The following SYT1 variants were observed in gnomAD, a reference collection of about 807,000 sequenced individuals.
The protein encoded by SYT1 is synaptotagmin-1.
SYT1 carries 8 observed loss-of-function variants against 44.8 expected under a neutral mutation model. The observed-to-expected ratio is 0.18, with a 90% CI of 0.10 to 0.32. SYT1 has a LOEUF of 0.32. Ranked by LOEUF, SYT1 falls within the 10% of genes least tolerant of loss-of-function variation. The pLI is 1.00. For missense variants in SYT1, 286 were observed against 509.3 expected, an observed-to-expected ratio of 0.56 and a Z score of 4.22; for synonymous variants, 154 against 188.8, an observed-to-expected ratio of 0.82 and a Z score of 1.51.
intron 10 of SYT1, among the ~76,000 whole-genome samples, chr12:79,447,598 A>G (rs562265460): frequency 6.0e-4 from 92 of 152,248 alleles, no homozygotes; most frequent in Non-Finnish European, 7.4e-4. Context: ...CCCCCACCCC[A>G]TTCATTACAA....
chr12:78,999,654 A>G (rs1592647690), intron 2 of SYT1, among the ~76,000 whole-genome samples: 1 of 152,126 alleles, frequency 6.6e-6, no homozygotes, highest in African/African-American at 2.4e-5. Flanking sequence ...TTTAGAGAGG[A>G]TAGGTACATG....
At chr12:79,103,803 G>A (rs1290987297) in intron 3 of SYT1, among the ~76,000 whole-genome samples, 5 of 152,058 alleles carry the variant, frequency 3.3e-5, no homozygotes. Flanking sequence ...TTTTTCATAT[G>A]TGTGAAAATG....
At chr12:79,165,639 T>G (rs560043633) in intron 3 of SYT1, among the ~76,000 whole-genome samples, 1 of 152,142 alleles carries the variant, frequency 6.6e-6, no homozygotes, top group South Asian at 2.1e-4. Flanking sequence ...GCTTTTATCA[T>G]CAAGCACTTG....
chr12:79,294,285 A>C (rs904104713), intron 6 of SYT1, among the ~76,000 whole-genome samples: 1 of 152,124 alleles, frequency 6.6e-6, no homozygotes, highest in African/African-American at 2.4e-5. Flanking sequence ...AGCAAACATC[A>C]AATCTAAAAA....
chr12:79,429,988 A>ACT (rs1869683895), intron 9 of SYT1, among the ~76,000 whole-genome samples: 1 of 152,188 alleles, frequency 6.6e-6, no homozygotes, highest in Non-Finnish European at 1.5e-5. Flanking sequence ...GCACAGGAAG[A>ACT]CTAGAGAAAG....
At chr12:79,012,111 G>A (rs1227966105) in intron 2 of SYT1, among the ~76,000 whole-genome samples, 1 of 142,234 alleles carries the variant, frequency 7.0e-6, no homozygotes, top group Non-Finnish European at 1.5e-5. Flanking sequence ...CAGCCTGGGT[G>A]ACAGAATGAG....
At chr12:79,210,654 G>C (rs1565856951) in intron 3 of SYT1, among the ~76,000 whole-genome samples, 1 of 152,134 alleles carries the variant, frequency 6.6e-6, no homozygotes, top group Non-Finnish European at 1.5e-5. Context: ...TTGATTGATG[G>C]ACATTTGGGT....
chr12:79,234,529 G>C (rs923608240), intron 4 of SYT1, among the ~76,000 whole-genome samples: 5 of 152,100 alleles, frequency 3.3e-5, no homozygotes, highest in Admixed American at 2.6e-4. Context: ...TTCTGTGTCT[G>C]ATTTCTTTCA....
intron 4 of SYT1, among the ~76,000 whole-genome samples, chr12:79,264,126 A>T (rs538162950): frequency 6.6e-6 from 1 of 152,158 alleles, no homozygotes; most frequent in Admixed American, 6.5e-5. Context: ...CTGTACCTTA[A>T]ATTTACCATC....
In SYT1 at chr12:78,983,511, C is replaced by T. The variant is rs1292505033; in HGVS notation, c.-84+5580C>T. Among the ~76,000 whole-genome samples, 3 of 152,084 alleles carry T rather than the reference C, an allele frequency of 2.0e-5. No homozygotes were observed. In the East Asian group the frequency reaches 5.8e-4, roughly 29 times the overall value. On this transcript the variant is annotated intron_variant, in intron 2 of 10. Coordinates refer to ENST00000261205, the MANE Select transcript of SYT1 (RefSeq NM_005639.3). ...GAACTTATTCCAATTATCCTAACAA[C>T]CTCCTCTAGGATCCCTAGCTTAACC...
intron 1 of SYT1, among the ~76,000 whole-genome samples, chr12:78,959,859 G>T (rs1353745649): frequency 6.6e-6 from 1 of 152,106 alleles, no homozygotes; most frequent in Non-Finnish European, 1.5e-5. Flanking sequence ...GTTATGCCAT[G>T]ATCAGAAGGG....
At chr12:79,045,546 G>C (rs928918861) in intron 2 of SYT1, 4 of 155,796 alleles carry the variant, frequency 2.6e-5, no homozygotes, top group Non-Finnish European at 5.6e-5. Context: ...AGATGAACCC[G>C]GTACCTCAGA....
chr12:79,420,623 G>T (rs1034535883), intron 9 of SYT1, among the ~76,000 whole-genome samples: 4 of 152,070 alleles, frequency 2.6e-5, no homozygotes, highest in African/African-American at 4.8e-5. Context: ...AGTCAGTCTG[G>T]AATTAAAACA....
At chr12:79,211,486 T>A (rs1014302068) in intron 3 of SYT1, among the ~76,000 whole-genome samples, 1 of 151,928 alleles carries the variant, frequency 6.6e-6, no homozygotes, top group African/African-American at 2.4e-5. Context: ...CATGTGCACA[T>A]TGTGCAGGTT....
At chr12:78,980,227 G>A (rs1353863000) in intron 2 of SYT1, among the ~76,000 whole-genome samples, 3 of 152,238 alleles carry the variant, frequency 2.0e-5, no homozygotes, top group African/African-American at 4.8e-5. Context: ...ACGGAATGTC[G>A]TGATTACCTC....
intron 3 of SYT1, among the ~76,000 whole-genome samples, chr12:79,064,994 A>AAG (rs1175528581): frequency 6.9e-6 from 1 of 145,418 alleles, no homozygotes; most frequent in Non-Finnish European, 1.5e-5. Context: ...GAAAGAAAGA[A>AAG]AGAAAAGGAA....
chr12:79,394,053 T>C (rs1884774997), intron 9 of SYT1: 1 of 152,236 alleles, frequency 6.6e-6, no homozygotes, highest in Admixed American at 6.5e-5. Flanking sequence ...TTACACCTTG[T>C]CTCTGACTAA....
chr12:78,896,258 C>T (rs1243892951), intron 1 of SYT1, among the ~76,000 whole-genome samples: 1 of 151,440 alleles, frequency 6.6e-6, no homozygotes, highest in East Asian at 1.9e-4. Context: ...TATGGTTTTG[C>T]TAAATAGTGA....
intron 2 of SYT1, among the ~76,000 whole-genome samples, chr12:79,046,757 T>A (rs1457710875): frequency 1.3e-5 from 2 of 152,134 alleles, no homozygotes; most frequent in East Asian, 3.9e-4. Flanking sequence ...TTATCCTATG[T>A]ACTAGAATAG....
Sources: gnomAD v4.1 joint callset for allele counts (sites outside exome capture counted in the v4.1 genomes callset) on GRCh38, gnomAD v4.1.1 for gene constraint, MANE v1.5 for transcripts, NCBI Gene and HGNC (gene_info 2026-07-23, HGNC 2026-07-21) for gene names.